The following SRRM3 variants were observed in gnomAD, a reference collection of about 807,000 sequenced individuals.
The protein encoded by SRRM3 is serine/arginine repetitive matrix 3.
Under a neutral mutation model 66.2 loss-of-function variants are expected in SRRM3, and 27 were observed. The observed-to-expected ratio is 0.41, with a 90% CI of 0.30 to 0.56. The LOEUF (loss-of-function observed/expected upper bound fraction) is 0.56. Among genes scored for constraint, SRRM3 ranks in the 20% least tolerant of loss-of-function variants. SRRM3 has a pLI of 0.32. For synonymous variants in SRRM3, 391 were observed against 414.9 expected, an observed-to-expected ratio of 0.94 and a Z score of 0.70; for missense variants, 918 against 991.9, an observed-to-expected ratio of 0.93 and a Z score of 1.00.
At chr7:76,215,027 G>A (rs1463178169) in intron 1 of SRRM3, among the ~76,000 whole-genome samples, 1 of 140,718 alleles carries the variant, frequency 7.1e-6, no homozygotes, top group Non-Finnish European at 1.5e-5. Flanking sequence ...CTAGGATGAC[G>A]TGCATATATT....
At chr7:76,250,572 C>T (rs1053619268) in intron 3 of SRRM3, among the ~76,000 whole-genome samples, 1 of 152,150 alleles carries the variant, frequency 6.6e-6, no homozygotes, top group Non-Finnish European at 1.5e-5. Flanking sequence ...TAGGAACAGA[C>T]AGACCTCAAT....
chr7:76,232,426 G>T (rs1054565974), intron 1 of SRRM3, among the ~76,000 whole-genome samples: 1 of 152,094 alleles, frequency 6.6e-6, no homozygotes, highest in East Asian at 1.9e-4. Flanking sequence ...ACAAAAATTA[G>T]CCGGGCAAGG....
chr7:76,213,767 T>G (rs1261865726), intron 1 of SRRM3, among the ~76,000 whole-genome samples: 3 of 151,804 alleles, frequency 2.0e-5, no homozygotes, highest in African/African-American at 7.3e-5. Flanking sequence ...TTTTTGGTTT[T>G]TTTGTTTGTT....
rs1411420263 is a variant in SRRM3, at chr7:76,285,102, C to T, written c.1734-513C>T. ...TTTTTGAGACGGAGTCTCACTCTGT[C>T]ACCCAGGCTGGAGTGCAGTGGCGCA... is the stretch of plus-strand genomic sequence containing the variant. On this transcript the variant is annotated intron_variant, in intron 14 of 14. Coordinates refer to ENST00000611745, the MANE Select transcript of SRRM3 (RefSeq NM_001110199.3). The surrounding 1 kb of genome is among the most constrained non-coding windows in gnomAD (Gnocchi z 4.1). 1.3e-5 allele frequency among the ~76,000 whole-genome samples: 2 copies of T among 152,082 alleles called. No individual in the cohort carries two copies. Among genetic ancestry groups the T allele is most frequent in the Non-Finnish European group, 2.9e-5 (2 of 68,020 alleles).
At chr7:76,254,765 T>A (rs1415667688) in intron 3 of SRRM3, among the ~76,000 whole-genome samples, 1 of 152,188 alleles carries the variant, frequency 6.6e-6, no homozygotes, top group African/African-American at 2.4e-5. Flanking sequence ...CAGGCACTTT[T>A]GCGGCTGAGG....
Position 76,282,775 on chromosome 7 carries a change from A to T in SRRM3, c.1498A>T (p.Ser500Cys). ...RSPGPHPRSW[S>C]SSRSPSKSRS... ...CCCCGGCCCGCACCCCCGCTCCTGG[A>T]GCTCCAGCCGCTCGCCCTCCAAATC... The change falls in exon 13 of 15, where the codon AGC becomes TGC. Residue 500 changes from serine (S) to cysteine (C), a missense_variant. By Grantham distance (112) the Ser-to-Cys change is moderately radical. Transcript: ENST00000611745. The T allele has an allele frequency of 4.1e-6, 6 of 1,465,504 alleles. No homozygotes were observed. Among genetic ancestry groups the T allele is most frequent in the Non-Finnish European group, 5.4e-6 (6 of 1,114,526 alleles). 90.8% of individuals were successfully genotyped at this position (1,465,504 alleles called of 1,614,324 possible). A position where few individuals can be genotyped will look rare whatever the true frequency, so the allele number is the denominator to read the frequency against.
chr7:76,237,890 G>C (rs1052245032), intron 2 of SRRM3, among the ~76,000 whole-genome samples: 5 of 151,850 alleles, frequency 3.3e-5, no homozygotes, highest in African/African-American at 1.2e-4. Context: ...CCAAGCAAAA[G>C]GTGATGGCAT....
intron 1 of SRRM3, among the ~76,000 whole-genome samples, chr7:76,222,975 C>T (rs1246904139): frequency 1.3e-5 from 2 of 152,158 alleles, no homozygotes; most frequent in Non-Finnish European, 2.9e-5. Flanking sequence ...CCCCCACACC[C>T]TGACCAGGAC....
chr7:76,258,695 C>T (rs1182024293), intron 3 of SRRM3, among the ~76,000 whole-genome samples: 1 of 108,732 alleles, frequency 9.2e-6, no homozygotes, highest in Non-Finnish European at 1.7e-5. Context: ...GCCTAGTCGA[C>T]AGAGTGAGAC....
chr7:76,284,181 T>TC (rs2117124971), intron 14 of SRRM3, among the ~76,000 whole-genome samples: 1 of 151,662 alleles, frequency 6.6e-6, no homozygotes, highest in East Asian at 1.9e-4. Flanking sequence ...TCTTTTTTTT[T>TC]TTTTTTTTTT....
At chr7:76,264,728 C>G (rs782388660) in intron 8 of SRRM3, 37 bp from the exon 9 acceptor site, 1 of 1,611,334 alleles carries the variant, frequency 6.2e-7, no homozygotes, top group South Asian at 1.1e-5. Context: ...ACACCCTCCC[C>G]GGGCCACACC....
chr7:76,231,471 C>T (rs1397752057), intron 1 of SRRM3, among the ~76,000 whole-genome samples: 3 of 152,232 alleles, frequency 2.0e-5, no homozygotes, highest in African/African-American at 7.2e-5. Context: ...CGCCTCTGCC[C>T]TCCAGGAGCT....
At position 76,261,428 on chromosome 7, in the gene SRRM3, C is replaced by A. The variant is rs782185555; in HGVS notation, c.638+14C>A. ...TCGCCGAGACAGGTACCCTTGCTGC[C>A]CCCACCCTGGGGCCTCCTCTTCCTC... On this transcript the variant is annotated intron_variant, in intron 7 of 14. Coordinates refer to ENST00000611745, the MANE Select transcript of SRRM3 (RefSeq NM_001110199.3). The A allele has an allele frequency of 1.4e-5, 22 of 1,604,940 alleles. No individual in the cohort carries two copies. The highest frequency in any genetic ancestry group is 2.7e-5 in the African/African-American group (2 of 74,558).
At chr7:76,204,357 C>T (rs1800242495) in intron 1 of SRRM3, among the ~76,000 whole-genome samples, 1 of 152,188 alleles carries the variant, frequency 6.6e-6, no homozygotes, top group South Asian at 2.1e-4. Context: ...GAGCCTCTGC[C>T]CATGGTCCTG....
Position 76,235,248 on chromosome 7 carries a change from G to C in SRRM3, c.182G>C (p.Arg61Pro), listed in dbSNP as rs1801114599. 6.5e-7 allele frequency: 1 copy of C among 1,546,022 alleles called. No homozygotes were observed. Among genetic ancestry groups the C allele is most frequent in the Non-Finnish European group, 8.7e-7 (1 of 1,153,918 alleles). Residue 61 changes from arginine (R) to proline (P), a missense_variant, in exon 2 of 15, where the codon CGG becomes CCG. Arg to Pro is a moderately radical substitution (Grantham distance 103, BLOSUM62 -2). Transcript: ENST00000611745. ...HREILDHERK[R>P]RVELKCMELQ... ...GAGATCCTGGACCACGAGCGCAAGC[G>C]GCGGGTGGAGCTCAAGTGCATGGAG...
intron 1 of SRRM3, among the ~76,000 whole-genome samples, chr7:76,204,916 T>G (rs1800257737): frequency 6.6e-6 from 1 of 151,954 alleles, no homozygotes; most frequent in African/African-American, 2.4e-5. Context: ...CTACAAAAAA[T>G]TATAAAAAGA....
At chr7:76,244,459 G>A (rs1318564667) in intron 2 of SRRM3, among the ~76,000 whole-genome samples, 1 of 150,982 alleles carries the variant, frequency 6.6e-6, no homozygotes, top group Non-Finnish European at 1.5e-5. Context: ...GGGAGGCAGA[G>A]GTTGCAGTGA....
chr7:76,260,919 G>T lies in SRRM3; in HGVS notation c.575+16G>T. The stretch of plus-strand genomic sequence containing the variant: ...CCGAATGCAGGTCAGTGGGGACAGA[G>T]CTGGCTGGGGCCAGGGCGGGGGATG... On this transcript the variant is annotated intron_variant, in intron 6 of 14. Coordinates refer to ENST00000611745, the MANE Select transcript of SRRM3 (RefSeq NM_001110199.3). The T allele has an allele frequency of 1.9e-6, 3 of 1,557,800 alleles. No individual in the cohort carries two copies. The highest frequency in any genetic ancestry group is 2.6e-6 in the Non-Finnish European group (3 of 1,150,150).
intron 2 of SRRM3, among the ~76,000 whole-genome samples, chr7:76,246,642 C>A (rs576989408): frequency 6.6e-6 from 1 of 152,252 alleles, no homozygotes; most frequent in East Asian, 1.9e-4. Context: ...TTGAGTTGAA[C>A]CAACTCGGAG....
Sources: gnomAD v4.1 joint callset for allele counts (sites outside exome capture counted in the v4.1 genomes callset) on GRCh38, gnomAD v4.1.1 for gene constraint, Gnocchi (gnomAD v3.1) non-coding constraint, MANE v1.5 for transcripts, NCBI Gene and HGNC (gene_info 2026-07-23, HGNC 2026-07-21) for gene names.